The following ZNF438 variants were observed in gnomAD, a reference collection of about 807,000 sequenced individuals.
The protein encoded by ZNF438 is zinc finger protein 438.
A neutral mutation model predicts 38.0 loss-of-function variants in ZNF438; 25 were observed. The ratio of observed to expected loss-of-function variants is 0.66; its 90% CI spans 0.48 to 0.92. ZNF438 has a LOEUF of 0.92. Ranked by LOEUF, ZNF438 falls within the 40% of genes least tolerant of loss-of-function variation. The pLI, the probability that ZNF438 is intolerant of heterozygous loss-of-function variation, is 0.00. For synonymous variants in ZNF438, 372 were observed against 364.1 expected (o/e 1.02, Z -0.25); for missense variants, 1,007 against 999.6 (o/e 1.01, Z -0.10).
At chr10:30,890,925 G>A (rs1013524755) in intron 3 of ZNF438, among the ~76,000 whole-genome samples, 17 of 152,124 alleles carry the variant, frequency 1.1e-4, no homozygotes, top group African/African-American at 2.4e-4. Flanking sequence ...TAAAAATGTC[G>A]GATAATTTTT....
intron 2 of ZNF438, among the ~76,000 whole-genome samples, chr10:30,929,974 A>G (rs757560177): frequency 6.6e-6 from 1 of 152,188 alleles, no homozygotes; most frequent in Non-Finnish European, 1.5e-5. Flanking sequence ...CAAGTCCCCA[A>G]CTGACTCAGG....
chr10:30,952,382 A>G (rs1445437769), intron 1 of ZNF438, among the ~76,000 whole-genome samples: 1 of 152,142 alleles, frequency 6.6e-6, no homozygotes, highest in East Asian at 1.9e-4. Flanking sequence ...AATGGCAACA[A>G]AAGCCAAAAC....
intron 1 of ZNF438, among the ~76,000 whole-genome samples, chr10:30,987,227 G>A (rs1249087506): frequency 1.3e-5 from 2 of 151,946 alleles, no homozygotes; most frequent in Non-Finnish European, 2.9e-5. Flanking sequence ...GGACGAGATG[G>A]GAGGATTGCT....
intron 2 of ZNF438, among the ~76,000 whole-genome samples, chr10:30,930,308 G>A (rs1288464178): frequency 2.0e-5 from 3 of 152,142 alleles, no homozygotes; most frequent in Non-Finnish European, 2.9e-5. Context: ...CTCCGCAGCT[G>A]TTGGCCCAGG....
In ZNF438 at chr10:31,003,035, C is replaced by A. The variant is rs16932107; in HGVS notation, c.-192+28798G>T. On this transcript the variant is annotated intron_variant, in intron 1 of 5. Transcript: ENST00000413025. ...GCAGTTTTCAAATTAGCAAAGGGGG[C>A]TCAGTCCAGTGGTATACAGGTGAAC... Among the ~76,000 whole-genome samples, 790 of 152,246 alleles carry A rather than the reference C, an allele frequency of 5.2e-3. 7 individuals carry two copies. The highest frequency in any genetic ancestry group is 0.017 in the Middle Eastern group (5 of 294).
chr10:30,956,270 G>A lies in ZNF438; in HGVS notation c.-191-14619C>T, dbSNP rs61490590. ...GAGATAAGTGATGAAATATAAAAGAGAGACTGTTAGTGAAATGATAAACTA... is the reference window on the plus strand; with the variant it reads ...GAGATAAGTGATGAAATATAAAAGAAAGACTGTTAGTGAAATGATAAACTA... On this transcript the variant is annotated intron_variant, in intron 1 of 5. Coordinates refer to ENST00000413025, the Ensembl canonical transcript of ZNF438. 4.1e-3 allele frequency among the ~76,000 whole-genome samples: 617 copies of A among 152,278 alleles called. 7 individuals carry two copies. The highest frequency in any genetic ancestry group is 0.014 in the African/African-American group (579 of 41,556).
chr10:30,932,466 A>C (rs2045801414), intron 2 of ZNF438, among the ~76,000 whole-genome samples: 1 of 152,162 alleles, frequency 6.6e-6, no homozygotes, highest in South Asian at 2.1e-4. Flanking sequence ...ATGTTAACTT[A>C]TTTTGTCCTT....
chr10:30,954,516 A>G (rs909586867), intron 1 of ZNF438, among the ~76,000 whole-genome samples: 1 of 152,212 alleles, frequency 6.6e-6, no homozygotes, highest in Non-Finnish European at 1.5e-5. Flanking sequence ...TATCTAGTTC[A>G]GTTCTAAGAA....
chr10:30,924,058 T>G (rs923913578), intron 2 of ZNF438, among the ~76,000 whole-genome samples: 2 of 152,224 alleles, frequency 1.3e-5, no homozygotes, highest in African/African-American at 4.8e-5. Context: ...TATGTTGCTA[T>G]GTAAATTATA....
At chr10:31,026,693 A>C (rs1223095079) in intron 1 of ZNF438, among the ~76,000 whole-genome samples, 1 of 152,136 alleles carries the variant, frequency 6.6e-6, no homozygotes, top group African/African-American at 2.4e-5. Flanking sequence ...CGATTCCTCA[A>C]GGATCTAGAA....
chr10:30,970,075 T>A (rs2050569930), intron 1 of ZNF438, among the ~76,000 whole-genome samples: 1 of 151,190 alleles, frequency 6.6e-6, no homozygotes, highest in African/African-American at 2.4e-5. Context: ...CTTTCTTTAC[T>A]AGCATTCAGC....
intron 4 of ZNF438, among the ~76,000 whole-genome samples, chr10:30,867,516 C>A (rs1053071062): frequency 6.6e-6 from 1 of 152,010 alleles, no homozygotes; most frequent in Non-Finnish European, 1.5e-5. Flanking sequence ...CAGATACAAC[C>A]CATACAAGCA....
At chr10:30,904,561 G>A (rs1188218003) in intron 3 of ZNF438, among the ~76,000 whole-genome samples, 1 of 152,084 alleles carries the variant, frequency 6.6e-6, no homozygotes, top group African/African-American at 2.4e-5. Context: ...GTTTTCAAAA[G>A]ACAAATTAGA....
rs975967438 is a variant in ZNF438, at chr10:30,861,589, G to A, written c.38-11222C>T. 2.6e-5 allele frequency among the ~76,000 whole-genome samples: 4 copies of A among 152,198 alleles called. No individual in the cohort carries two copies. In the South Asian group the frequency reaches 8.3e-4, roughly 32 times the overall value. On this transcript the variant is annotated intron_variant, in intron 4 of 5. Transcript: ENST00000413025. ...GGGCCATATAGTTAATGTCCCAAGGGAAAAGTACATTTAAAAAGCTTTACC... is the reference window on the plus strand; with the variant it reads ...GGGCCATATAGTTAATGTCCCAAGGAAAAAGTACATTTAAAAAGCTTTACC...
chr10:30,980,720 G>A (rs1256163737), intron 1 of ZNF438, among the ~76,000 whole-genome samples: 1 of 152,152 alleles, frequency 6.6e-6, no homozygotes, highest in Non-Finnish European at 1.5e-5. Context: ...GATCATATGA[G>A]ATCGTGTGGA....
chr10:31,025,127 G>A (rs1466783059), intron 1 of ZNF438, among the ~76,000 whole-genome samples: 1 of 152,032 alleles, frequency 6.6e-6, no homozygotes, highest in East Asian at 1.9e-4. Context: ...TCAGGCATTT[G>A]CCACTTAAAA....
At chr10:30,938,318 C>T (rs2046466748) in intron 2 of ZNF438, among the ~76,000 whole-genome samples, 1 of 151,564 alleles carries the variant, frequency 6.6e-6, no homozygotes, top group African/African-American at 2.4e-5. Context: ...TCTCTTGTTG[C>T]CCAGGCTGGA....
intron 1 of ZNF438, among the ~76,000 whole-genome samples, chr10:30,985,173 T>C (rs1020449010): frequency 5.3e-5 from 8 of 152,116 alleles, no homozygotes; most frequent in Admixed American, 1.3e-4. Flanking sequence ...CCAGGCACCA[T>C]GCAGAAAAAG....
At chr10:30,983,781 A>G (rs2052480362) in intron 1 of ZNF438, among the ~76,000 whole-genome samples, 1 of 152,160 alleles carries the variant, frequency 6.6e-6, no homozygotes, top group Non-Finnish European at 1.5e-5. Context: ...TACATTTTGA[A>G]TCAATAAACT....
Sources: gnomAD v4.1 joint callset for allele counts (sites outside exome capture counted in the v4.1 genomes callset) on GRCh38, gnomAD v4.1.1 for gene constraint, MANE v1.5 for transcripts, NCBI Gene and HGNC (gene_info 2026-07-23, HGNC 2026-07-21) for gene names.